The following CCDC146 variants were observed in gnomAD, a reference collection of about 807,000 sequenced individuals.
The protein encoded by CCDC146 is coiled-coil domain containing 146, also known as coiled-coil domain-containing protein 146.
A neutral mutation model predicts 119.3 loss-of-function variants in CCDC146; 92 were observed. The ratio of observed to expected loss-of-function variants is 0.77; its 90% CI spans 0.65 to 0.92. The LOEUF (loss-of-function observed/expected upper bound fraction) is 0.92. CCDC146 is among the 40% of genes least tolerant of loss of function. CCDC146 has a pLI of 0.00. For synonymous variants in CCDC146, 372 were observed against 371.8 expected, an observed-to-expected ratio of 1.00 and a Z score of -0.01; for missense variants, 1,000 against 1,103.0, an observed-to-expected ratio of 0.91 and a Z score of 1.32.
At chr7:77,281,119 A>G (rs1405745522) in intron 14 of CCDC146, among the ~76,000 whole-genome samples, 1 of 146,230 alleles carries the variant, frequency 6.8e-6, no homozygotes, top group Non-Finnish European at 1.5e-5. Context: ...CAAACAAAAA[A>G]AAAAAAAGAG....
intron 1 of CCDC146, among the ~76,000 whole-genome samples, chr7:77,123,770 A>G (rs1175680517): frequency 6.6e-6 from 1 of 152,102 alleles, no homozygotes; most frequent in Non-Finnish European, 1.5e-5. Context: ...ACCTTTTTAA[A>G]ATTTTTAAAA....
chr7:77,128,895 T>A (rs904208550), intron 1 of CCDC146, among the ~76,000 whole-genome samples: 2 of 152,126 alleles, frequency 1.3e-5, no homozygotes, highest in African/African-American at 4.8e-5. Flanking sequence ...GACAGCCTGA[T>A]CCTTTTGGCC....
intron 2 of CCDC146, among the ~76,000 whole-genome samples, chr7:77,212,042 A>T (rs1455651378): frequency 6.6e-6 from 1 of 152,226 alleles, no homozygotes; most frequent in Non-Finnish European, 1.5e-5. Context: ...TGATCATTGC[A>T]TATAATTCAC....
chr7:77,228,400 A>G (rs1256211171), intron 2 of CCDC146, among the ~76,000 whole-genome samples: 1 of 152,172 alleles, frequency 6.6e-6, no homozygotes, highest in African/African-American at 2.4e-5. Flanking sequence ...ATAAGTGAGA[A>G]CATGTGGTAT....
chr7:77,197,528 G>A (rs1199021081), intron 2 of CCDC146, among the ~76,000 whole-genome samples: 1 of 152,186 alleles, frequency 6.6e-6, no homozygotes, highest in African/African-American at 2.4e-5. Flanking sequence ...CTAAAAATCA[G>A]ATGATTCTAA....
intron 1 of CCDC146, among the ~76,000 whole-genome samples, chr7:77,133,098 G>T (rs562710772): frequency 2.0e-5 from 3 of 151,960 alleles, no homozygotes; most frequent in African/African-American, 7.2e-5. Context: ...TTCACCCCAG[G>T]AGGCAGAGGT....
chr7:77,268,757 CT>C (rs1469000265), intron 9 of CCDC146, among the ~76,000 whole-genome samples: 3 of 152,176 alleles, frequency 2.0e-5, no homozygotes, highest in Non-Finnish European at 4.4e-5. Flanking sequence ...ACAATTAGTG[CT>C]TTAATTGGAT....
Position 77,262,219 on chromosome 7 carries a change from G to A in CCDC146, c.1085G>A (p.Arg362Gln), listed in dbSNP as rs552375827. 7.4e-6 allele frequency: 12 copies of A among 1,613,940 alleles called. No homozygotes were observed. The highest frequency in any genetic ancestry group is 5.0e-5 in the Admixed American group (3 of 59,976). ...CAAAGAGAGAAAGAACGAGATTTTC[G>A]AAATTTAAGAAAGATGGAACTGCTC... ...RKQREKERDFRNLRKMELLLK... is the reference protein window; with the variant it reads ...RKQREKERDFQNLRKMELLLK... The change falls in exon 9 of 19, where the codon CGA (arginine) becomes CAA (glutamine). Residue 362 changes from arginine (R) to glutamine (Q), a missense_variant. This residue lies in a region of CCDC146 where 985 missense variants were observed against 1,045.3 expected (regional missense o/e 0.94). Coordinates refer to ENST00000285871, the MANE Select transcript of CCDC146 (RefSeq NM_020879.3).
At chr7:77,229,740 A>G (rs1792585683) in intron 2 of CCDC146, among the ~76,000 whole-genome samples, 1 of 152,218 alleles carries the variant, frequency 6.6e-6, no homozygotes, top group East Asian at 1.9e-4. Flanking sequence ...GTTTTCACTA[A>G]TTTGATTTTA....
In CCDC146 at chr7:77,280,639, G is replaced by A. The variant is rs1393048120; in HGVS notation, c.1905G>A (p.Gln635=). ...GCAAAAGATACGAAAAAGCTGTTCA[G>A]CATCGAAATGAAAGGTAAAAACCAG... ...QLRKRYEKAV[Q]HRNESGVQLI... is the part of the protein sequence containing the mutation. Residue 635 remains glutamine (Q), a synonymous_variant, in exon 14 of 19, where the codon CAG becomes CAA. Transcript: ENST00000285871. 5 of 1,610,714 alleles carry A rather than the reference G, an allele frequency of 3.1e-6. No individual in the cohort carries two copies. In the South Asian group the frequency reaches 4.4e-5, roughly 14 times the overall value.
intron 2 of CCDC146, among the ~76,000 whole-genome samples, chr7:77,219,156 G>A (rs1050376073): frequency 6.6e-6 from 1 of 152,082 alleles, no homozygotes; most frequent in Non-Finnish European, 1.5e-5. Context: ...ATGAAATGAG[G>A]CAATTTATGT....
At chr7:77,292,108 C>G (rs1793955141) in intron 17 of CCDC146, among the ~76,000 whole-genome samples, 2 of 151,702 alleles carry the variant, frequency 1.3e-5, no homozygotes, top group Non-Finnish European at 1.5e-5. Flanking sequence ...CTAGCCTTGT[C>G]AACACAGCAA....
At chr7:77,229,589 G>C (rs1268717307) in intron 2 of CCDC146, among the ~76,000 whole-genome samples, 1 of 152,138 alleles carries the variant, frequency 6.6e-6, no homozygotes, top group Non-Finnish European at 1.5e-5. Context: ...TTTCCCCATT[G>C]CTTGTTTTTG....
intron 1 of CCDC146, among the ~76,000 whole-genome samples, chr7:77,144,074 T>C (rs1054110089): frequency 6.6e-6 from 1 of 151,894 alleles, no homozygotes; most frequent in African/African-American, 2.4e-5. Context: ...CATTTGTTTG[T>C]ATCTTCTTTT....
At chr7:77,175,781 A>G (rs994222867) in intron 2 of CCDC146, among the ~76,000 whole-genome samples, 3 of 151,426 alleles carry the variant, frequency 2.0e-5, no homozygotes, top group Admixed American at 1.3e-4. Flanking sequence ...TGCTAAAGCT[A>G]CTGAAATTCA....
intron 2 of CCDC146, among the ~76,000 whole-genome samples, chr7:77,173,762 CT>C (rs1002075347): frequency 2.6e-5 from 4 of 151,586 alleles, no homozygotes; most frequent in Admixed American, 6.6e-5. Flanking sequence ...GTACTCCAGA[CT>C]TTTTTTTGTC....
Position 77,203,966 on chromosome 7 carries a change from G to A in CCDC146, c.157-32981G>A, listed in dbSNP as rs115584169. Among the ~76,000 whole-genome samples, 759 of 151,598 alleles carry A rather than the reference G, an allele frequency of 5.0e-3. 6 individuals carry two copies. The highest frequency in any genetic ancestry group is 0.017 in the African/African-American group (704 of 41,386). ...ACAAAGTATATTTAAGAGAAGATCT[G>A]CATTTTCTATAACTGGATCAGATTC... On this transcript the variant is annotated intron_variant, in intron 2 of 18. Transcript: ENST00000285871.
intron 2 of CCDC146, among the ~76,000 whole-genome samples, chr7:77,219,339 GT>G (rs201849371): frequency 6.8e-6 from 1 of 146,052 alleles, no homozygotes; most frequent in Non-Finnish European, 1.6e-5. Context: ...ATTATACTTT[GT>G]TATGTATGGT....
intron 14 of CCDC146, 103 bp from the exon 15 acceptor site, chr7:77,282,454 T>C (rs1413797570): frequency 1.4e-6 from 1 of 693,316 alleles, no homozygotes; most frequent in Non-Finnish European, 2.5e-6. Flanking sequence ...GGAAGTATGC[T>C]ATGTTGTGTA....
Sources: allele counts gnomAD v4.1 joint callset (sites outside exome capture counted in the v4.1 genomes callset), GRCh38; gene constraint gnomAD v4.1.1; regional missense constraint gnomAD v4.1.1; transcripts MANE v1.5; gene names NCBI Gene and HGNC (gene_info 2026-07-23, HGNC 2026-07-21).